Variants in AFAP1L2 observed in about 807,000 individuals in gnomAD.
The protein encoded by AFAP1L2 is actin filament-associated protein 1-like 2.
In AFAP1L2, 46 loss-of-function variants were observed where a neutral mutation model predicts 99.3. The ratio of observed to expected loss-of-function variants is 0.46; its 90% CI spans 0.37 to 0.59. The LOEUF is 0.59. Ranked by LOEUF, AFAP1L2 falls within the 20% of genes least tolerant of loss-of-function variation. The probability of loss-of-function intolerance (pLI) is 0.00; values close to 1 mark genes in which losing one functional copy is unlikely to be tolerated. For missense variants in AFAP1L2, 959 were observed against 1,034.9 expected, an observed-to-expected ratio of 0.93 and a Z score of 1.01; for synonymous variants, 397 against 419.1, an observed-to-expected ratio of 0.95 and a Z score of 0.64.
intron 7 of AFAP1L2, among the ~76,000 whole-genome samples, chr10:114,313,574 G>A (rs1034926212): frequency 9.8e-5 from 15 of 152,294 alleles, no homozygotes; most frequent in African/African-American, 3.6e-4. Context: ...CAAATACGTG[G>A]CAAATGGCAG....
chr10:114,371,732 C>T (rs2054133399), intron 1 of AFAP1L2, among the ~76,000 whole-genome samples: 2 of 151,808 alleles, frequency 1.3e-5, no homozygotes, highest in Non-Finnish European at 2.9e-5. Context: ...ATGGGTGCAG[C>T]AAACCACCAT....
the AFAP1L2 span, among the ~76,000 whole-genome samples, chr10:114,282,750 T>G: frequency 1.3e-5 from 2 of 152,204 alleles, no homozygotes; most frequent in Non-Finnish European, 2.9e-5. Flanking sequence ...TGGTGTTTGC[T>G]CATTAAGAAT....
rs369674434 is a variant in AFAP1L2 at position 114,328,481 on chromosome 10, G to A, written c.315+3322C>T. Among the ~76,000 whole-genome samples, 94 of 152,266 alleles carry A rather than the reference G, an allele frequency of 6.2e-4. 1 individual carries two copies. Among genetic ancestry groups the A allele is most frequent in the African/African-American group, 2.2e-3 (90 of 41,572 alleles). ...AGGAAGGGCGGGTTTTCTGTCTGAG[G>A]AAGAGACGCCACAGGGCACTCCAGG... On this transcript the variant is annotated intron_variant, in intron 4 of 18. Transcript: ENST00000304129.
Position 114,313,912 on chromosome 10 carries a change from G to A in AFAP1L2, c.751C>T (p.Leu251=). Residue 251 remains leucine (L), a synonymous_variant, in exon 7 of 19, where the codon CTG becomes TTG. Coordinates refer to ENST00000304129, the MANE Select transcript of AFAP1L2 (RefSeq NM_001001936.3). ...ITPMNADVIV[L]GLQSKDQAEQ... ...GCCTGGTCCTTGCTCTGCAGGCCCAGCACAATCACATCGGCATTCATCGGC... is the reference window on the plus strand; with the variant it reads ...GCCTGGTCCTTGCTCTGCAGGCCCAACACAATCACATCGGCATTCATCGGC... 1 of 1,613,792 alleles carries A rather than the reference G, an allele frequency of 6.2e-7. No individual in the cohort carries two copies. Among genetic ancestry groups the A allele is most frequent in the South Asian group, 1.1e-5 (1 of 91,046 alleles).
rs1451913474 is a variant in AFAP1L2 at position 114,297,301 on chromosome 10, G to A, written c.2226C>T (p.Asp742=). The part of the protein sequence containing the change: ...DLELSIMEVK[D]NLKKAEAGPV... ...GCCCTGCCTCAGCCTTCTTCAGGTT[G>A]TCCTTCACCTCCATGATGCTGAGCT... is the stretch of plus-strand genomic sequence containing the variant. The change falls in exon 17 of 19, where the codon GAC becomes GAT. Residue 742 remains aspartate (D), a synonymous_variant. Transcript: ENST00000304129. 1.9e-6 allele frequency: 3 copies of A among 1,614,018 alleles called. No homozygotes were observed. The highest frequency in any genetic ancestry group is 2.5e-6 in the Non-Finnish European group (3 of 1,180,028).
chr10:114,360,129 C>A (rs1380184376), intron 1 of AFAP1L2, among the ~76,000 whole-genome samples: 1 of 147,698 alleles, frequency 6.8e-6, no homozygotes, highest in Non-Finnish European at 1.5e-5. Flanking sequence ...AAGCAGATGG[C>A]CCCTCTATGT....
intron 2 of AFAP1L2, among the ~76,000 whole-genome samples, chr10:114,338,474 G>T (rs990674574): frequency 6.6e-6 from 1 of 152,178 alleles, no homozygotes; most frequent in East Asian, 1.9e-4. Context: ...TCCACAAGAC[G>T]ACTTTTTCAA....
chr10:114,382,899 T>A lies in AFAP1L2; in HGVS notation c.16+21541A>T, dbSNP rs948997512. Among the ~76,000 whole-genome samples, 4 of 152,166 alleles carry A rather than the reference T, an allele frequency of 2.6e-5. No homozygotes were observed. The South Asian group carries it at 8.3e-4, about 32-fold the overall frequency. On this transcript the variant is annotated intron_variant, in intron 1 of 18. Coordinates refer to ENST00000304129, the MANE Select transcript of AFAP1L2 (RefSeq NM_001001936.3). The stretch of plus-strand genomic sequence containing the variant: ...CATGAGCCACCATGCCCAGCAATAT[T>A]ATGTATATTTCAAAGTAACTAGAAG...
chr10:114,309,849 T>G (rs780103890), intron 8 of AFAP1L2, among the ~76,000 whole-genome samples: 36 of 152,152 alleles, frequency 2.4e-4, no homozygotes, highest in Admixed American at 9.8e-4. Flanking sequence ...AAGAAAATAT[T>G]TTAGGTCTGT....
At chr10:114,391,422 G>A (rs1363433304) in intron 1 of AFAP1L2, among the ~76,000 whole-genome samples, 2 of 152,100 alleles carry the variant, frequency 1.3e-5, no homozygotes, top group Non-Finnish European at 2.9e-5. Flanking sequence ...GTTTCACCAT[G>A]TTGGCGAGAC....
the AFAP1L2 span, chr10:114,281,348 G>A: frequency 3.9e-5 from 6 of 152,288 alleles, no homozygotes; most frequent in East Asian, 1.9e-4. Flanking sequence ...CAGGAGAGGC[G>A]AGGGTGAGGC....
At chr10:114,381,253 T>G (rs1033202407) in intron 1 of AFAP1L2, among the ~76,000 whole-genome samples, 2 of 152,164 alleles carry the variant, frequency 1.3e-5, no homozygotes, top group Non-Finnish European at 2.9e-5. Flanking sequence ...CTTGAAAACA[T>G]TATGCCAAGT....
chr10:114,363,995 C>T (rs2052840023), intron 1 of AFAP1L2, among the ~76,000 whole-genome samples: 1 of 152,244 alleles, frequency 6.6e-6, no homozygotes, highest in African/African-American at 2.4e-5. Context: ...CCAAACAGAA[C>T]CCTGTCTGTG....
At chr10:114,367,925 A>G (rs2053525490) in intron 1 of AFAP1L2, among the ~76,000 whole-genome samples, 1 of 152,234 alleles carries the variant, frequency 6.6e-6, no homozygotes, top group Non-Finnish European at 1.5e-5. Flanking sequence ...AATTAACTAC[A>G]TGAACACATT....
At chr10:114,281,403 G>A in the AFAP1L2 span, 2 of 152,322 alleles carry the variant, frequency 1.3e-5, no homozygotes, top group Admixed American at 1.3e-4. Flanking sequence ...TCAGGGTTTG[G>A]ATCCCAGCTC....
chr10:114,377,338 T>C lies in AFAP1L2; in HGVS notation c.16+27102A>G, dbSNP rs1757121287. Among the ~76,000 whole-genome samples, 1 of 152,184 alleles carries C rather than the reference T, an allele frequency of 6.6e-6. No homozygotes were observed. The highest frequency in any genetic ancestry group is 1.9e-4 in the East Asian group (1 of 5,190). The stretch of plus-strand genomic sequence containing the variant: ...GGCCAGTTCCAAGGCAAGAATCAAA[T>C]GTGGCTTGAAGCATGATTTAGAAAC... On this transcript the variant is annotated intron_variant, in intron 1 of 18. Transcript: ENST00000304129. This position sits in a 1 kb window ranked among gnomAD's most constrained non-coding sequence, Gnocchi z 4.0.
At chr10:114,349,383 CAA>C (rs113553514) in intron 1 of AFAP1L2, among the ~76,000 whole-genome samples, 229 of 86,226 alleles carry the variant, frequency 2.7e-3, no homozygotes, top group African/African-American at 9.9e-3. Context: ...AACTCGGTCT[CAA>C]AAAAAAAAAA....
intron 1 of AFAP1L2, among the ~76,000 whole-genome samples, chr10:114,390,048 G>A (rs1427376927): frequency 6.6e-6 from 1 of 152,094 alleles, no homozygotes. Context: ...CCGCAACAAC[G>A]ATGACCTTCC....
At position 114,334,646 on chromosome 10, in the gene AFAP1L2, C is replaced by A. The variant is rs114929168; in HGVS notation, c.146-1351G>T. On this transcript the variant is annotated intron_variant, in intron 2 of 18. Transcript: ENST00000304129. Reference sequence around the variant, plus strand: ...CTGCCAGGACCAGTCAGCAATGTTACCCCTGTGCCAGGGACTGCAGCAGTT... The same window carrying A: ...CTGCCAGGACCAGTCAGCAATGTTAACCCTGTGCCAGGGACTGCAGCAGTT... Among the ~76,000 whole-genome samples the A allele has an allele frequency of 6.6e-3, 1,006 of 152,332 alleles. 11 individuals are homozygous for A. The highest frequency in any genetic ancestry group is 0.023 in the African/African-American group (971 of 41,576).
Sources: allele counts gnomAD v4.1 joint callset (sites outside exome capture counted in the v4.1 genomes callset), GRCh38; gene constraint gnomAD v4.1.1; non-coding constraint Gnocchi (gnomAD v3.1); transcripts MANE v1.5; gene names NCBI Gene and HGNC (gene_info 2026-07-23, HGNC 2026-07-21).